Variants in MTUS2 observed in about 807,000 individuals in gnomAD.
The protein encoded by MTUS2 is microtubule-associated tumor suppressor candidate 2.
In MTUS2, 40 loss-of-function variants were observed where a neutral mutation model predicts 114.1. The ratio of observed to expected loss-of-function variants is 0.35; its 90% CI spans 0.27 to 0.46. MTUS2 has a LOEUF of 0.46. Ranked by LOEUF, MTUS2 falls within the 20% of genes least tolerant of loss-of-function variation. MTUS2 has a pLI of 1.00. For synonymous variants in MTUS2, 688 were observed against 672.0 expected (o/e 1.02, Z -0.37); for missense variants, 1,679 against 1,705.4 (o/e 0.98, Z 0.27).
intron 2 of MTUS2, among the ~76,000 whole-genome samples, chr13:28,927,505 G>T (rs1881387314): frequency 6.6e-6 from 1 of 152,168 alleles, no homozygotes; most frequent in Non-Finnish European, 1.5e-5. Context: ...GTTGGAGGCT[G>T]CAGTGAGCTG....
At chr13:29,213,624 A>G (rs1255180474) in intron 5 of MTUS2, among the ~76,000 whole-genome samples, 1 of 152,082 alleles carries the variant, frequency 6.6e-6, no homozygotes, top group African/African-American at 2.4e-5. Context: ...CTTGAAATCT[A>G]CTTTTTTCAT....
At chr13:29,383,248 G>GTATATATATATATTTATTTATT (rs1361530154) in intron 8 of MTUS2, among the ~76,000 whole-genome samples, 11 of 63,274 alleles carry the variant, frequency 1.7e-4, no homozygotes, top group Non-Finnish European at 2.8e-4. Context: ...GTGTGTGTGT[G>GTATATATATATATTTATTTATT]TGTGTATTTA....
chr13:28,981,408 A>T (rs1163362205), intron 2 of MTUS2, among the ~76,000 whole-genome samples: 2 of 152,114 alleles, frequency 1.3e-5, no homozygotes, highest in Non-Finnish European at 2.9e-5. Flanking sequence ...GGGCACAGGG[A>T]GGGTTGACTA....
intron 6 of MTUS2, among the ~76,000 whole-genome samples, chr13:29,293,647 A>G (rs1167165349): frequency 6.6e-6 from 1 of 152,120 alleles, no homozygotes; most frequent in African/African-American, 2.4e-5. Context: ...TCTATGCAGC[A>G]TTGGTTACAA....
intron 8 of MTUS2, among the ~76,000 whole-genome samples, chr13:29,378,813 C>T (rs1871957936): frequency 6.6e-6 from 1 of 152,070 alleles, no homozygotes; most frequent in Non-Finnish European, 1.5e-5. Context: ...GGTGGGGACC[C>T]ATGCCTTGCT....
chr13:29,488,555 C>T (rs1031425496), intron 11 of MTUS2, among the ~76,000 whole-genome samples: 1 of 151,784 alleles, frequency 6.6e-6, no homozygotes, highest in Non-Finnish European at 1.5e-5. Flanking sequence ...ATTCTCCAGC[C>T]CCAGCTGGAG....
chr13:29,036,761 A>C (rs1002670088), intron 4 of MTUS2, among the ~76,000 whole-genome samples: 13 of 151,574 alleles, frequency 8.6e-5, no homozygotes, highest in South Asian at 2.1e-4. Context: ...CCATTATGTA[A>C]TGCCCTTTTT....
chr13:28,955,439 G>T (rs1244230521), intron 2 of MTUS2, among the ~76,000 whole-genome samples: 1 of 152,204 alleles, frequency 6.6e-6, no homozygotes, highest in Non-Finnish European at 1.5e-5. Flanking sequence ...ATGGGAATGT[G>T]GTGGCCCACT....
rs546477631 is a variant in MTUS2 at position 29,215,011 on chromosome 13, T to G, written c.2645-66693T>G. ...TTCAGGTACACCAATCAAACATCAGTTTGGTCTTTCCACATAGTCCCATAT... is the reference window on the plus strand; with the variant it reads ...TTCAGGTACACCAATCAAACATCAGGTTGGTCTTTCCACATAGTCCCATAT... On this transcript the variant is annotated intron_variant, in intron 5 of 15. Coordinates refer to ENST00000612955, the MANE Select transcript of MTUS2 (RefSeq NM_001033602.4). Among the ~76,000 whole-genome samples, 5 of 152,206 alleles carry G rather than the reference T, an allele frequency of 3.3e-5. No individual in the cohort carries two copies. The South Asian group carries it at 1.0e-3, about 32-fold the overall frequency.
chr13:28,868,672 C>G (rs572717346), intron 2 of MTUS2, among the ~76,000 whole-genome samples: 1 of 152,298 alleles, frequency 6.6e-6, no homozygotes, highest in South Asian at 2.1e-4. Context: ...TCACCTGCCA[C>G]CATCAGTGTC....
intron 5 of MTUS2, among the ~76,000 whole-genome samples, chr13:29,159,135 T>G (rs969072279): frequency 5.3e-5 from 8 of 152,254 alleles, no homozygotes; most frequent in African/African-American, 1.9e-4. Flanking sequence ...TAGTTTTGTG[T>G]TTTAAAAAAG....
intron 3 of MTUS2, among the ~76,000 whole-genome samples, chr13:29,029,193 A>T (rs1013895524): frequency 2.0e-5 from 3 of 152,078 alleles, no homozygotes; most frequent in Non-Finnish European, 4.4e-5. Flanking sequence ...CGGACTTCCT[A>T]CCTCACATCT....
At chr13:29,436,512 C>G (rs1877420053) in intron 8 of MTUS2, among the ~76,000 whole-genome samples, 1 of 152,222 alleles carries the variant, frequency 6.6e-6, no homozygotes, top group Non-Finnish European at 1.5e-5. Context: ...GTAAATAATA[C>G]TTAGCCAGAA....
chr13:28,940,408 A>G (rs1453088395), intron 2 of MTUS2, among the ~76,000 whole-genome samples: 1 of 152,264 alleles, frequency 6.6e-6, no homozygotes, highest in African/African-American at 2.4e-5. Flanking sequence ...AATATACAAA[A>G]TAGGTAAATC....
At chr13:29,424,823 G>A (rs1175199658) in intron 8 of MTUS2, among the ~76,000 whole-genome samples, 1 of 152,124 alleles carries the variant, frequency 6.6e-6, no homozygotes, top group Non-Finnish European at 1.5e-5. Flanking sequence ...CAAGTCAATG[G>A]CATGGCAGCA....
In MTUS2 at chr13:28,880,001, A is replaced by G. The variant is rs113680241; in HGVS notation, c.-243+40151A>G. Among the ~76,000 whole-genome samples, 969 of 152,316 alleles carry G rather than the reference A, an allele frequency of 6.4e-3. 5 individuals are homozygous for G. The highest frequency in any genetic ancestry group is 0.011 in the Non-Finnish European group (723 of 68,014). ...GAAATAAAGCTAGAAAGGACCTGAT[A>G]TATTGAGAGAAGACAAGAGATTCAG... On this transcript the variant is annotated intron_variant, in intron 2 of 15. Transcript: ENST00000612955.
chr13:29,458,164 A>G (rs984565840), intron 9 of MTUS2, among the ~76,000 whole-genome samples: 1 of 151,964 alleles, frequency 6.6e-6, no homozygotes, highest in African/African-American at 2.4e-5. Context: ...TGCTGCCTTC[A>G]CCCCAGCCCT....
intron 4 of MTUS2, among the ~76,000 whole-genome samples, chr13:29,098,412 G>C (rs1028639715): frequency 2.0e-5 from 3 of 152,032 alleles, no homozygotes; most frequent in Admixed American, 2.0e-4. Context: ...TATGCGCAGA[G>C]AGTTGGGGCA....
Position 28,832,774 on chromosome 13 carries a change from T to TAAA in MTUS2, c.-315-7002_-315-7000dup, listed in dbSNP as rs60422185. On this transcript the variant is annotated intron_variant, in intron 1 of 15. Coordinates refer to ENST00000612955, the MANE Select transcript of MTUS2 (RefSeq NM_001033602.4). Reference sequence around the variant, plus strand: ...AATGAAATAGAGAATAGAAAAACAATAAAATCAATAAAAACAAAAAGTTGT... The same window carrying TAAA: ...AATGAAATAGAGAATAGAAAAACAATAAAAAAATCAATAAAAACAAAAAGTTGT... 1.4e-3 allele frequency among the ~76,000 whole-genome samples: 216 copies of TAAA among 150,024 alleles called. 2 individuals carry two copies. Among genetic ancestry groups the TAAA allele is most frequent in the African/African-American group, 4.0e-3 (166 of 41,222 alleles).
Sources: gnomAD v4.1 joint callset for allele counts (sites outside exome capture counted in the v4.1 genomes callset) on GRCh38, gnomAD v4.1.1 for gene constraint, MANE v1.5 for transcripts, NCBI Gene and HGNC (gene_info 2026-07-23, HGNC 2026-07-21) for gene names.